TRPV3: variants seen among roughly 807,000 people sequenced by gnomAD.
TRPV3 encodes the protein transient receptor potential cation channel subfamily V member 3.
Under a neutral mutation model 87.1 loss-of-function variants are expected in TRPV3, and 88 were observed. The observed-to-expected ratio is 1.01, with a 90% CI of 0.85 to 1.21. The LOEUF is 1.21. Among genes scored for constraint, TRPV3 ranks in the 50% most tolerant of loss-of-function variants. The pLI is 0.00. For synonymous variants in TRPV3, 438 were observed against 423.3 expected (o/e 1.03, Z -0.43); for missense variants, 1,054 against 1,030.1 (o/e 1.02, Z -0.32).
Position 3,510,546 on chromosome 17 carries a change from C to A in TRPV3, c.*3371G>T, listed in dbSNP as rs183995713. On this transcript the variant is annotated 3_prime_UTR_variant, in exon 18 of 18. Coordinates refer to ENST00000576742, the MANE Select transcript of TRPV3 (RefSeq NM_145068.4). ...TTTATTAGAAATCAAAAAACCATTT[C>A]TTCAATGGCACAAACATGTTCTTAC... 4.6e-5 allele frequency: 7 copies of A among 152,322 alleles called. No homozygotes were observed. Among genetic ancestry groups the A allele is most frequent in the Admixed American group, 3.9e-4 (6 of 15,296 alleles). The allele number at this position is 152,322 out of a possible 1,614,324, so 9.4% of individuals were successfully genotyped here.
At position 3,511,615 on chromosome 17, in the gene TRPV3, A is replaced by T. The variant is rs1302108531; in HGVS notation, c.*2302T>A. 5.3e-5 allele frequency: 8 copies of T among 152,236 alleles called. No homozygotes were observed. Among genetic ancestry groups the T allele is most frequent in the Admixed American group, 5.2e-4 (8 of 15,288 alleles). 9.4% of individuals were successfully genotyped at this position (152,236 alleles called of 1,614,324 possible). ...TGGACACTGTTGGGAAGAATATCCA[A>T]TACAGAAAATGGTCTTGCCAACAAA... On this transcript the variant is annotated 3_prime_UTR_variant, in exon 18 of 18. Transcript: ENST00000576742.
At chr17:3,534,164 G>A (rs890612581) in intron 7 of TRPV3, among the ~76,000 whole-genome samples, 7 of 152,088 alleles carry the variant, frequency 4.6e-5, no homozygotes, top group African/African-American at 7.2e-5. Flanking sequence ...GGGGACACAC[G>A]ATGAACTGGA....
At chr17:3,524,470 G>T in intron 12 of TRPV3, 107 bp from the exon 13 acceptor site, 1 of 1,412,626 alleles carries the variant, frequency 7.1e-7, no homozygotes, top group Non-Finnish European at 9.6e-7. Context: ...AGTCACCCCG[G>T]TGACGGATGC....
At chr17:3,544,815 G>A (rs544015861) in intron 3 of TRPV3, 150 bp from the exon 4 acceptor site, 41 of 640,346 alleles carry the variant, frequency 6.4e-5, no homozygotes, top group Middle Eastern at 3.8e-4. Flanking sequence ...TGGCCAACAT[G>A]GTGAAACTAA....
chr17:3,532,540 T>G (rs2074357896), intron 8 of TRPV3, 117 bp downstream of exon 8: 1 of 1,334,748 alleles, frequency 7.5e-7, no homozygotes, highest in Non-Finnish European at 1.0e-6. Context: ...GGCTGGGACC[T>G]TCTCAAGGCT....
At chr17:3,527,621 G>A (rs562720721) in intron 11 of TRPV3, 9 of 249,112 alleles carry the variant, frequency 3.6e-5, no homozygotes, top group East Asian at 2.7e-4. Flanking sequence ...ATGGATGGAC[G>A]GATGGACAGA....
intron 2 of TRPV3, among the ~76,000 whole-genome samples, chr17:3,549,038 C>A (rs533372503): frequency 6.6e-6 from 1 of 152,152 alleles, no homozygotes; most frequent in Non-Finnish European, 1.5e-5. Context: ...CTAAAGTAGT[C>A]GCTCCGCAAC....
chr17:3,518,777 T>A lies in TRPV3; in HGVS notation c.1884A>T (p.Ala628=). Residue 628 remains alanine (A), a synonymous_variant, in exon 15 of 18, where the codon GCA becomes GCT. Transcript: ENST00000576742. The surrounding 1 kb of genome is among the most constrained non-coding windows in gnomAD (Gnocchi z 4.3). ...TGGTGAGCTTGAAGAGTTCCAGCAC[T>A]GCGTCGCTGAAGCTGCCGTAGGAGC... is the stretch of plus-strand genomic sequence containing the variant. ...DCSSYGSFSD[A]VLELFKLTIG... 6.2e-7 allele frequency: 1 copy of A among 1,614,128 alleles called. No individual in the cohort carries two copies. Among genetic ancestry groups the A allele is most frequent in the African/African-American group, 1.3e-5 (1 of 75,068 alleles).
chr17:3,525,295 C>T (rs2074289456), intron 12 of TRPV3, among the ~76,000 whole-genome samples: 1 of 152,226 alleles, frequency 6.6e-6, no homozygotes, highest in African/African-American at 2.4e-5. Context: ...GCTGGGATTA[C>T]AGGCGTGAGC....
chr17:3,543,986 C>T (rs941942469), intron 4 of TRPV3, among the ~76,000 whole-genome samples: 5 of 151,988 alleles, frequency 3.3e-5, no homozygotes, highest in African/African-American at 7.2e-5. Context: ...CATGGTAACG[C>T]GTTGATGTCT....
rs557758807 is a variant in TRPV3, at chr17:3,539,999, C to T, written c.643+2523G>A. ...CTGAGGCAGGAGAATCACCTGAACCCGGGAGGCAGAGGTTGTGCCACTGCA... is the reference window on the plus strand; with the variant it reads ...CTGAGGCAGGAGAATCACCTGAACCTGGGAGGCAGAGGTTGTGCCACTGCA... On this transcript the variant is annotated intron_variant, in intron 6 of 17. Transcript: ENST00000576742. Among the ~76,000 whole-genome samples, 129 of 151,878 alleles carry T rather than the reference C, an allele frequency of 8.5e-4. 1 individual carries two copies. Among genetic ancestry groups the T allele is most frequent in the African/African-American group, 3.0e-3 (124 of 41,406 alleles).
chr17:3,554,796 G>C lies in TRPV3; in HGVS notation c.55C>G (p.Pro19Ala). 6.2e-7 allele frequency: 1 copy of C among 1,612,760 alleles called. No homozygotes were observed. Among genetic ancestry groups the C allele is most frequent in the African/African-American group, 1.3e-5 (1 of 75,034 alleles). ...VPLMGKRVAA[P>A]SGNPAILPEK... ...GGCAGGATGGCAGGGTTCCCACTGG[G>C]GGCAGCAACTCTCTTGCCCATGAGA... is the stretch of plus-strand genomic sequence containing the variant. The change falls in exon 2 of 18, where the codon CCC becomes GCC. Residue 19 changes from proline to alanine, a missense_variant. Pro to Ala is a conservative substitution (Grantham distance 27). Transcript: ENST00000576742.
intron 6 of TRPV3, among the ~76,000 whole-genome samples, chr17:3,538,232 A>C (rs936906237): frequency 3.3e-5 from 5 of 152,074 alleles, no homozygotes; most frequent in African/African-American, 1.2e-4. Flanking sequence ...AAAGTCTATA[A>C]TATATTACAA....
chr17:3,532,418 G>A (rs1286608264), intron 8 of TRPV3, among the ~76,000 whole-genome samples: 2 of 152,250 alleles, frequency 1.3e-5, no homozygotes, highest in African/African-American at 2.4e-5. Flanking sequence ...AGATGGAAAC[G>A]CGGCGTATTA....
chr17:3,540,092 T>TAAACAAAC (rs141485179), intron 6 of TRPV3, among the ~76,000 whole-genome samples: 2 of 150,756 alleles, frequency 1.3e-5, no homozygotes, highest in African/African-American at 2.4e-5. Flanking sequence ...AATAAATAAA[T>TAAACAAAC]AAACAAAGTC....
intron 14 of TRPV3, among the ~76,000 whole-genome samples, chr17:3,519,336 A>ATGGG (rs2074211296): frequency 6.6e-6 from 1 of 151,388 alleles, no homozygotes; most frequent in African/African-American, 2.4e-5. Context: ...GGATGGATGG[A>ATGGG]TGGATGGATG....
chr17:3,520,828 T>C, intron 14 of TRPV3, 145 bp downstream of exon 14: 1 of 450,212 alleles, frequency 2.2e-6, no homozygotes, highest in South Asian at 3.4e-5. Flanking sequence ...TATATAAAGG[T>C]AATGCTTGGA....
rs932198933 is a variant in TRPV3 at position 3,511,174 on chromosome 17, T to A, written c.*2743A>T. 3 of 152,206 alleles carry A rather than the reference T, an allele frequency of 2.0e-5. No homozygotes were observed. The highest frequency in any genetic ancestry group is 7.2e-5 in the African/African-American group (3 of 41,426). 9.4% of individuals were successfully genotyped at this position (152,206 alleles called of 1,614,324 possible). ...GGTGTGTGTGGGGGCTGAGGGTGTG[T>A]GTGTGCATGGGTGTGGTTTTGTGCA... On this transcript the variant is annotated 3_prime_UTR_variant, in exon 18 of 18. Coordinates refer to ENST00000576742, the MANE Select transcript of TRPV3 (RefSeq NM_145068.4).
At chr17:3,515,353 G>A (rs7218756) in intron 16 of TRPV3, among the ~76,000 whole-genome samples, 82,532 of 151,954 alleles carry the variant, frequency 0.54, 22,714 homozygotes, top group East Asian at 0.8. Context: ...AGGAGGAGGT[G>A]GGCTTATCAG....
Sources: allele counts gnomAD v4.1 joint callset (sites outside exome capture counted in the v4.1 genomes callset), GRCh38; gene constraint gnomAD v4.1.1; non-coding constraint Gnocchi (gnomAD v3.1); transcripts MANE v1.5; gene names NCBI Gene and HGNC (gene_info 2026-07-23, HGNC 2026-07-21).